LSMEM1: variants seen among roughly 807,000 people sequenced by gnomAD.
LSMEM1 encodes leucine rich single-pass membrane protein 1, also known as leucine-rich single-pass membrane protein 1.
In LSMEM1, 10 loss-of-function variants were observed where a neutral mutation model predicts 11.3. The observed-to-expected ratio is 0.89, with a 90% confidence interval of 0.55 to 1.50. LSMEM1 has a LOEUF of 1.50. Ranked by LOEUF, LSMEM1 falls within the 40% of genes most tolerant of loss-of-function variation. The pLI, the probability that LSMEM1 is intolerant of heterozygous loss-of-function variation, is 0.00. For missense variants in LSMEM1, 151 were observed against 152.9 expected (o/e 0.99, Z 0.06); for synonymous variants, 65 against 59.3 (o/e 1.10, Z -0.44).
chr7:112,482,042 T>A (rs1177528835), intron 1 of LSMEM1, among the ~76,000 whole-genome samples: 1 of 152,258 alleles, frequency 6.6e-6, no homozygotes, highest in African/African-American at 2.4e-5. Flanking sequence ...TAAGGCCATG[T>A]GATCTTGTAT....
At chr7:112,489,699 A>C in intron 3 of LSMEM1, 111 bp from the exon 4 acceptor site, 1 of 1,254,100 alleles carries the variant, frequency 8.0e-7, no homozygotes, top group South Asian at 1.5e-5. Context: ...GGAACAGGGG[A>C]TTTGCCAAGA....
At chr7:112,484,702 T>G in intron 1 of LSMEM1, 110 bp from the exon 2 acceptor site, 1 of 1,096,564 alleles carries the variant, frequency 9.1e-7, no homozygotes, top group Non-Finnish European at 1.3e-6. Context: ...GAAAATACTA[T>G]TTGTGGGTGG....
At chr7:112,480,950 T>A (rs1387304587), upstream of LSMEM1, 1 of 454,800 alleles carries the variant, frequency 2.2e-6, no homozygotes, top group Non-Finnish European at 4.4e-6. Context: ...AAAGGTGGTG[T>A]CAGCTAACAG....
upstream of LSMEM1, chr7:112,480,874 A>G (rs1275840074): frequency 8.8e-6 from 4 of 456,158 alleles, no homozygotes; most frequent in Admixed American, 7.0e-5. Flanking sequence ...GTCAGTCATC[A>G]TAGTGGCAGC....
At position 112,487,026 on chromosome 7, in the gene LSMEM1, G is replaced by A; in HGVS notation, c.231G>A (p.Leu77=). The A allele has an allele frequency of 6.2e-7, 1 of 1,614,010 alleles. No homozygotes were observed. Among genetic ancestry groups the A allele is most frequent in the Non-Finnish European group, 8.5e-7 (1 of 1,179,962 alleles). Residue 77 remains leucine, a synonymous_variant, in exon 3 of 4, where the codon CTG becomes CTA. Transcript: ENST00000312849. Reference sequence around the variant, plus strand: ...TTGTGCTGATTGTCAGCCTGGCACTGGTTTTTTTCGTGATATTTCTAATAG... The same window carrying A: ...TTGTGCTGATTGTCAGCCTGGCACTAGTTTTTTTCGTGATATTTCTAATAG... ...LLIVLIVSLA[L]VFFVIFLIVQ...
rs112155507 is a variant in LSMEM1 at position 112,490,354 on chromosome 7, C to G, written c.*405C>G. The G allele has an allele frequency of 2.4e-3, 389 of 159,672 alleles. 2 individuals carry two copies. Among genetic ancestry groups the G allele is most frequent in the African/African-American group, 8.6e-3 (358 of 41,756 alleles). 9.9% of individuals were successfully genotyped at this position (159,672 alleles called of 1,614,324 possible). A position where few individuals can be genotyped will look rare whatever the true frequency, so the allele number is the denominator to read the frequency against. On this transcript the variant is annotated 3_prime_UTR_variant, in exon 4 of 4. Transcript: ENST00000312849. ...CACCTTTACAGATATCTGGGAAAGCCTGAGAAATTCATTGAGTTTTATGTA... is the reference window on the plus strand; with the variant it reads ...CACCTTTACAGATATCTGGGAAAGCGTGAGAAATTCATTGAGTTTTATGTA...
intron 1 of LSMEM1, among the ~76,000 whole-genome samples, 182 bp from the exon 2 acceptor site, chr7:112,484,630 A>G (rs1796093135): frequency 6.6e-6 from 1 of 152,226 alleles, no homozygotes; most frequent in Admixed American, 6.5e-5. Context: ...GAACGATTAC[A>G]AAGTGGTCCA....
At chr7:112,484,971 C>T in intron 2 of LSMEM1, 28 bp downstream of exon 2, 1 of 1,597,838 alleles carries the variant, frequency 6.3e-7, no homozygotes, top group South Asian at 1.1e-5. Flanking sequence ...GGCACAGCAG[C>T]CCTTCCTAGC....
chr7:112,489,069 G>A (rs552955287), intron 3 of LSMEM1, among the ~76,000 whole-genome samples: 45 of 152,250 alleles, frequency 3.0e-4, no homozygotes, highest in Non-Finnish European at 6.0e-4. Context: ...TTTATGAATA[G>A]CTTTTATTTT....
chr7:112,484,475 C>T (rs894679816), intron 1 of LSMEM1, among the ~76,000 whole-genome samples: 1 of 152,060 alleles, frequency 6.6e-6, no homozygotes, highest in African/African-American at 2.4e-5. Context: ...AAAATAAAAA[C>T]AGATCCAGGG....
At chr7:112,486,200 T>A in intron 2 of LSMEM1, 1 of 223,002 alleles carries the variant, frequency 4.5e-6, no homozygotes, top group South Asian at 5.7e-5. Flanking sequence ...AGCATTCAAT[T>A]GAGTCTTCCA....
At position 112,484,893 on chromosome 7, in the gene LSMEM1, ATGACTTAAACAAACTAAAC is replaced by A; in HGVS notation, c.78_96del (p.Asp27SerfsTer12). 1 of 1,613,786 alleles carries A rather than the reference ATGACTTAAACAAACTAAAC, an allele frequency of 6.2e-7. No individual in the cohort carries two copies. Among genetic ancestry groups the A allele is most frequent in the Non-Finnish European group, 8.5e-7 (1 of 1,179,784 alleles). Reference sequence around the variant, plus strand: ...AAGCTTTATGTGGTGGATTCCATAAATGACTTAAACAAACTAAACCTCTGTCCAGCCGGATCGCAGCATC... The same window carrying A: ...AAGCTTTATGTGGTGGATTCCATAAACTCTGTCCAGCCGGATCGCAGCATC... On this transcript the variant is annotated frameshift_variant, in exon 2 of 4. Coordinates refer to ENST00000312849, the MANE Select transcript of LSMEM1 (RefSeq NM_182597.3). LOFTEE classifies it high-confidence loss of function.
At chr7:112,486,711 G>A (rs143731908) in intron 2 of LSMEM1, 103,728 of 471,694 alleles carry the variant, frequency 0.22, 12,354 homozygotes, top group Middle Eastern at 0.36. Flanking sequence ...GGGAGGCAGA[G>A]GTTGCAGTGA....
chr7:112,486,798 G>T, intron 2 of LSMEM1, 125 bp from the exon 3 acceptor site: 1 of 1,347,456 alleles, frequency 7.4e-7, no homozygotes, highest in Non-Finnish European at 1.0e-6. Context: ...TCACTTTCTA[G>T]GCTTGTCAGA....
intron 3 of LSMEM1, among the ~76,000 whole-genome samples, chr7:112,489,550 G>A (rs1796198582): frequency 6.6e-6 from 1 of 152,170 alleles, no homozygotes; most frequent in African/African-American, 2.4e-5. Flanking sequence ...TCACAGCAAG[G>A]TCTTTTTTAG....
chr7:112,486,500 G>A (rs1166332374), intron 2 of LSMEM1: 1 of 364,764 alleles, frequency 2.7e-6, no homozygotes, highest in Non-Finnish European at 5.7e-6. Flanking sequence ...GTCACGGCCG[G>A]GCGCCGTGGC....
chr7:112,486,577 C>T, intron 2 of LSMEM1: 1 of 303,902 alleles, frequency 3.3e-6, no homozygotes, highest in East Asian at 7.9e-5. Flanking sequence ...GAGATTGAGA[C>T]CATCCTGGAT....
At chr7:112,485,035 G>A (rs1429925471) in intron 2 of LSMEM1, 92 bp downstream of exon 2, 31 of 1,365,838 alleles carry the variant, frequency 2.3e-5, no homozygotes, top group Non-Finnish European at 2.9e-5. Context: ...GTGTGGTGGA[G>A]GGGGAGGGGG....
intron 1 of LSMEM1, among the ~76,000 whole-genome samples, chr7:112,484,035 C>G (rs1796083092): frequency 6.6e-6 from 1 of 152,172 alleles, no homozygotes; most frequent in Middle Eastern, 3.2e-3. Context: ...TGCAGTTGTG[C>G]TGTCGTTAGA....
Sources: gnomAD v4.1 joint callset for allele counts (sites outside exome capture counted in the v4.1 genomes callset) on GRCh38, gnomAD v4.1.1 for gene constraint, MANE v1.5 for transcripts, NCBI Gene and HGNC (gene_info 2026-07-23, HGNC 2026-07-21) for gene names.